The following BICC1 variants were observed in gnomAD, a reference collection of about 807,000 sequenced individuals.
BICC1 encodes the protein BicC family RNA binding protein 1.
BICC1 carries 43 observed loss-of-function variants against 111.0 expected under a neutral mutation model. The ratio of observed to expected loss-of-function variants is 0.39; its 90% CI spans 0.30 to 0.50. BICC1 has a LOEUF of 0.50. Among genes scored for constraint, BICC1 ranks in the 20% least tolerant of loss-of-function variants. BICC1 has a pLI of 0.88. For synonymous variants in BICC1, 467 were observed against 434.4 expected (o/e 1.07, Z -0.93); for missense variants, 1,091 against 1,203.2 (o/e 0.91, Z 1.38).
chr10:58,764,255 G>C (rs1327600555), intron 3 of BICC1, among the ~76,000 whole-genome samples: 1 of 152,120 alleles, frequency 6.6e-6, no homozygotes, highest in Non-Finnish European at 1.5e-5. Context: ...ACATGACAGT[G>C]AATTGGCAGA....
At chr10:58,797,344 A>G (rs1267071943) in intron 10 of BICC1, among the ~76,000 whole-genome samples, 1 of 152,162 alleles carries the variant, frequency 6.6e-6, no homozygotes, top group East Asian at 1.9e-4. Context: ...TTTTTCCAAT[A>G]GCTATTCTTG....
intron 1 of BICC1, among the ~76,000 whole-genome samples, chr10:58,542,164 A>C (rs201110306): frequency 1.4e-4 from 21 of 147,248 alleles, no homozygotes; most frequent in African/African-American, 5.0e-4. Flanking sequence ...AAAAAAAAAA[A>C]AACAAAAAAA....
intron 2 of BICC1, among the ~76,000 whole-genome samples, chr10:58,668,604 A>T (rs1839089586): frequency 6.6e-6 from 1 of 152,106 alleles, no homozygotes; most frequent in African/African-American, 2.4e-5. Flanking sequence ...AAATTATCTT[A>T]TTTGGGAAAA....
chr10:58,646,640 G>A (rs1310395394), intron 2 of BICC1, among the ~76,000 whole-genome samples: 5 of 152,082 alleles, frequency 3.3e-5, no homozygotes, highest in Non-Finnish European at 5.9e-5. Context: ...ATATCTCTGT[G>A]CCTCCTGTAT....
intron 3 of BICC1, among the ~76,000 whole-genome samples, chr10:58,777,778 G>A (rs1842786286): frequency 6.6e-6 from 1 of 152,150 alleles, no homozygotes; most frequent in African/African-American, 2.4e-5. Context: ...GGACCTCACT[G>A]TGTATAGGTT....
At chr10:58,629,898 A>G (rs1837741414) in intron 2 of BICC1, among the ~76,000 whole-genome samples, 1 of 152,176 alleles carries the variant, frequency 6.6e-6, no homozygotes, top group African/African-American at 2.4e-5. Context: ...ATTCAATTCA[A>G]CTTGCTTTCC....
At chr10:58,768,866 C>G (rs945304878) in intron 3 of BICC1, among the ~76,000 whole-genome samples, 11 of 151,758 alleles carry the variant, frequency 7.2e-5, no homozygotes, top group African/African-American at 2.7e-4. Context: ...AAGGAACATA[C>G]CAAGAGAGGT....
intron 1 of BICC1, among the ~76,000 whole-genome samples, chr10:58,592,920 C>T (rs1844679561): frequency 6.7e-6 from 1 of 148,886 alleles, no homozygotes; most frequent in African/African-American, 2.5e-5. Flanking sequence ...GCATTGAGAG[C>T]CAAGTGTTCG....
At chr10:58,804,545 A>G in intron 15 of BICC1, among the ~76,000 whole-genome samples, 1 of 152,310 alleles carries the variant, frequency 6.6e-6, no homozygotes, top group Non-Finnish European at 1.5e-5. Context: ...AAAATAAAAA[A>G]GACATTTATT....
At chr10:58,791,910 G>C (rs1468139854) in intron 8 of BICC1, among the ~76,000 whole-genome samples, 1 of 152,032 alleles carries the variant, frequency 6.6e-6, no homozygotes, top group Non-Finnish European at 1.5e-5. Flanking sequence ...TCATGCCTCA[G>C]CCTCCCGAGT....
intron 1 of BICC1, among the ~76,000 whole-genome samples, chr10:58,584,693 A>G (rs1326560350): frequency 6.6e-6 from 1 of 152,004 alleles, no homozygotes; most frequent in Non-Finnish European, 1.5e-5. Flanking sequence ...TTTGTCCAAC[A>G]CTGAAGGGGT....
At chr10:58,798,304 A>T (rs1228732500) in intron 10 of BICC1, 95 bp from the exon 11 acceptor site, 15 of 917,176 alleles carry the variant, frequency 1.6e-5, no homozygotes, top group Non-Finnish European at 2.2e-5. Context: ...ATATCAGATT[A>T]TATCATTGTG....
intron 4 of BICC1, among the ~76,000 whole-genome samples, chr10:58,786,431 A>G (rs1421017716): frequency 6.6e-6 from 1 of 152,180 alleles, no homozygotes; most frequent in African/African-American, 2.4e-5. Flanking sequence ...ATATAGTAAT[A>G]CAGGAGTTGG....
At chr10:58,621,292 A>G (rs1457887655) in intron 2 of BICC1, among the ~76,000 whole-genome samples, 4 of 152,228 alleles carry the variant, frequency 2.6e-5, no homozygotes, top group African/African-American at 9.6e-5. Context: ...AGATATTTAA[A>G]TTAAAACAAA....
chr10:58,649,248 A>G lies in BICC1; in HGVS notation c.237+28347A>G, dbSNP rs111316600. ...CAGAGTTTCTTTCCCTGGTTGCACA[A>G]CTGCTTAAGTGACAGACTTGTTGAT... On this transcript the variant is annotated intron_variant, in intron 2 of 20. Transcript: ENST00000373886. Among the ~76,000 whole-genome samples the G allele has an allele frequency of 5.0e-3, 761 of 152,308 alleles. 2 individuals carry two copies. Among genetic ancestry groups the G allele is most frequent in the African/African-American group, 0.017 (704 of 41,566 alleles).
chr10:58,594,065 ACTT>A (rs1342556381), intron 1 of BICC1, among the ~76,000 whole-genome samples: 4 of 151,804 alleles, frequency 2.6e-5, no homozygotes, highest in Non-Finnish European at 5.9e-5. Flanking sequence ...CAGCACAAGA[ACTT>A]CATGAAGCAT....
chr10:58,747,383 TTAAA>T (rs772562863), intron 3 of BICC1, among the ~76,000 whole-genome samples: 1 of 152,272 alleles, frequency 6.6e-6, no homozygotes, highest in East Asian at 1.9e-4. Flanking sequence ...TAAGACCAAC[TTAAA>T]TAAATAAGCA....
chr10:58,618,594 G>A (rs953949377), intron 1 of BICC1, among the ~76,000 whole-genome samples: 7 of 152,118 alleles, frequency 4.6e-5, no homozygotes, highest in Non-Finnish European at 8.8e-5. Context: ...TCAGCTGCTC[G>A]TCATTCATCC....
rs143433196 is a variant in BICC1, at chr10:58,632,252, T to G, written c.237+11351T>G. On this transcript the variant is annotated intron_variant, in intron 2 of 20. Coordinates refer to ENST00000373886, the MANE Select transcript of BICC1 (RefSeq NM_001080512.3). Reference sequence around the variant, plus strand: ...TTTAACTTTCAAAGAGCTTTTATTCTGAAGGGAAAAGATGCTTGTAAGATG... The same window carrying G: ...TTTAACTTTCAAAGAGCTTTTATTCGGAAGGGAAAAGATGCTTGTAAGATG... 5.0e-3 allele frequency among the ~76,000 whole-genome samples: 758 copies of G among 152,350 alleles called. 5 individuals carry two copies. The highest frequency in any genetic ancestry group is 5.4e-3 in the Non-Finnish European group (367 of 68,030).
Sources: gnomAD v4.1 joint callset for allele counts (sites outside exome capture counted in the v4.1 genomes callset) on GRCh38, gnomAD v4.1.1 for gene constraint, MANE v1.5 for transcripts, NCBI Gene and HGNC (gene_info 2026-07-23, HGNC 2026-07-21) for gene names.